Variants in STX8 observed in about 807,000 individuals in gnomAD.
STX8 encodes the protein syntaxin 8, also known as syntaxin-8.
A neutral mutation model predicts 37.5 loss-of-function variants in STX8; 23 were observed. The observed-to-expected ratio is 0.61, with a 90% CI of 0.44 to 0.87. The LOEUF is 0.87. Ranked by LOEUF, STX8 falls within the 40% of genes least tolerant of loss-of-function variation. The pLI, the probability that STX8 is intolerant of heterozygous loss-of-function variation, is 0.00. For missense variants in STX8, 313 were observed against 284.7 expected, an observed-to-expected ratio of 1.10 and a Z score of -0.71; for synonymous variants, 115 against 99.1, an observed-to-expected ratio of 1.16 and a Z score of -0.95.
intron 6 of STX8, among the ~76,000 whole-genome samples, chr17:9,451,933 C>G (rs1186340865): frequency 6.6e-6 from 1 of 152,090 alleles, no homozygotes; most frequent in Non-Finnish European, 1.5e-5. Flanking sequence ...TTATGTTTTT[C>G]TCTTAATCCA....
In STX8 at chr17:9,388,086, TTTGAGACATTAC is replaced by T. The variant is rs1461941390; in HGVS notation, c.542-9445_542-9434del. On this transcript the variant is annotated intron_variant, in intron 6 of 7. Coordinates refer to ENST00000306357, the MANE Select transcript of STX8 (RefSeq NM_004853.3). Reference sequence around the variant, plus strand: ...AACAACTCTATTTTTTTTTTTTTTTTTTGAGACATTACTTCGCTCTTGTTGCCCAGGCTGGAG... The same window carrying T: ...AACAACTCTATTTTTTTTTTTTTTTTTTCGCTCTTGTTGCCCAGGCTGGAG... 2.7e-5 allele frequency among the ~76,000 whole-genome samples: 4 copies of T among 150,566 alleles called. No homozygotes were observed. In the East Asian group the frequency reaches 5.8e-4, roughly 22 times the overall value.
chr17:9,292,624 C>T (rs568863895), intron 7 of STX8, among the ~76,000 whole-genome samples: 4 of 152,200 alleles, frequency 2.6e-5, no homozygotes, highest in Non-Finnish European at 5.9e-5. Context: ...GTTTCCTCCT[C>T]TCACCTCCAA....
intron 6 of STX8, among the ~76,000 whole-genome samples, chr17:9,486,059 T>C (rs1906582940): frequency 1.3e-5 from 2 of 152,112 alleles, no homozygotes; most frequent in Admixed American, 6.5e-5. Flanking sequence ...TGCTCATAAA[T>C]AAAAGATCCT....
At chr17:9,314,255 A>G (rs1288751718) in intron 7 of STX8, among the ~76,000 whole-genome samples, 1 of 152,236 alleles carries the variant, frequency 6.6e-6, no homozygotes, top group Non-Finnish European at 1.5e-5. Context: ...ATTGCCAGGT[A>G]GTCAGCCAAT....
rs1320924245 is a variant in STX8 at position 9,429,956 on chromosome 17, AAT to A, written c.542-51305_542-51304del. ...ATATTATATAGAATATATTATATAT[AAT>A]ATATATATTATATATTATATAGAAT... On this transcript the variant is annotated intron_variant, in intron 6 of 7. Coordinates refer to ENST00000306357, the MANE Select transcript of STX8 (RefSeq NM_004853.3). 8.8e-3 allele frequency among the ~76,000 whole-genome samples: 13 copies of A among 1,474 alleles called. 3 individuals carry two copies. The highest frequency in any genetic ancestry group is 0.031 in the African/African-American group (7 of 226). The allele number at this position is 1,474 out of a possible 152,430, so 1.0% of individuals were successfully genotyped here.
chr17:9,558,471 T>C lies in STX8; in HGVS notation c.118-943A>G, dbSNP rs560540971. Among the ~76,000 whole-genome samples, 8 of 152,218 alleles carry C rather than the reference T, an allele frequency of 5.3e-5. No individual in the cohort carries two copies. In the East Asian group the frequency reaches 1.5e-3, roughly 29 times the overall value. ...CTAACCTGAACTATCCCCATACCCC[T>C]GGGAACCAAGGAACAATCACCTACA... On this transcript the variant is annotated intron_variant, in intron 2 of 7. Transcript: ENST00000306357.
At chr17:9,479,168 G>C (rs1183613474) in intron 6 of STX8, among the ~76,000 whole-genome samples, 5 of 152,046 alleles carry the variant, frequency 3.3e-5, no homozygotes, top group Non-Finnish European at 5.9e-5. Context: ...CCCAAAAGTG[G>C]CTAAACTCTC....
intron 2 of STX8, among the ~76,000 whole-genome samples, chr17:9,564,532 T>C (rs761932468): frequency 6.6e-6 from 1 of 152,154 alleles, no homozygotes; most frequent in East Asian, 1.9e-4. Context: ...AAAATCAAAG[T>C]GCAAAACATC....
intron 6 of STX8, chr17:9,467,136 C>A (rs1905651524): frequency 6.6e-6 from 1 of 152,262 alleles, no homozygotes; most frequent in Non-Finnish European, 1.5e-5. Flanking sequence ...GGTGATCCAC[C>A]CGCCTCAGCT....
chr17:9,317,933 C>A (rs187495379), intron 7 of STX8, among the ~76,000 whole-genome samples: 11 of 152,254 alleles, frequency 7.2e-5, no homozygotes, highest in Non-Finnish European at 1.5e-4. Context: ...CCCCAGTGAC[C>A]TGGATGCGAG....
At chr17:9,411,534 A>C (rs1912977585) in intron 6 of STX8, among the ~76,000 whole-genome samples, 1 of 152,256 alleles carries the variant, frequency 6.6e-6, no homozygotes, top group Non-Finnish European at 1.5e-5. Context: ...GTTTTCAAGT[A>C]AACTTGGTTT....
chr17:9,464,979 C>T (rs1015466652), intron 6 of STX8: 5 of 152,224 alleles, frequency 3.3e-5, no homozygotes, highest in Non-Finnish European at 5.9e-5. Flanking sequence ...CCTCGGCCTC[C>T]CAAAGTGCTG....
chr17:9,333,773 A>G (rs1337565273), intron 7 of STX8, among the ~76,000 whole-genome samples: 1 of 152,218 alleles, frequency 6.6e-6, no homozygotes, highest in Non-Finnish European at 1.5e-5. Flanking sequence ...AAAGTTACAC[A>G]GTCATTTTGT....
chr17:9,357,290 T>C (rs1192183212), intron 7 of STX8, among the ~76,000 whole-genome samples: 1 of 152,108 alleles, frequency 6.6e-6, no homozygotes, highest in Non-Finnish European at 1.5e-5. Flanking sequence ...TTCTAACAAG[T>C]TGTTTGCATT....
chr17:9,351,064 C>T (rs1433274360), intron 7 of STX8, among the ~76,000 whole-genome samples: 3 of 150,142 alleles, frequency 2.0e-5, no homozygotes, highest in Admixed American at 6.6e-5. Flanking sequence ...ACAGAAAAGC[C>T]GAAAAGATAG....
intron 6 of STX8, among the ~76,000 whole-genome samples, chr17:9,385,875 C>T (rs9905932): frequency 0.23 from 35,086 of 152,190 alleles, 4,130 homozygotes; most frequent in African/African-American, 0.26. Flanking sequence ...CGAGTTCAAG[C>T]AATTCTCCAG....
chr17:9,315,336 C>T (rs1423971042), intron 7 of STX8, among the ~76,000 whole-genome samples: 1 of 151,790 alleles, frequency 6.6e-6, no homozygotes, highest in African/African-American at 2.4e-5. Context: ...TGCTCCACTG[C>T]TGATTTACCC....
intron 7 of STX8, among the ~76,000 whole-genome samples, chr17:9,330,876 A>G (rs1421835745): frequency 1.3e-5 from 2 of 151,604 alleles, no homozygotes; most frequent in African/African-American, 4.9e-5. Context: ...TTACATCTTC[A>G]GAGAACCTTC....
At chr17:9,519,700 CG>C (rs975601872) in intron 4 of STX8, among the ~76,000 whole-genome samples, 7 of 151,840 alleles carry the variant, frequency 4.6e-5, no homozygotes, top group East Asian at 1.9e-4. Context: ...TCAACATCCC[CG>C]CTTCCACACC....
Sources: allele counts gnomAD v4.1 joint callset (sites outside exome capture counted in the v4.1 genomes callset), GRCh38; gene constraint gnomAD v4.1.1; transcripts MANE v1.5; gene names NCBI Gene and HGNC (gene_info 2026-07-23, HGNC 2026-07-21).